Variants in L2HGDH observed in about 807,000 individuals in gnomAD.
L2HGDH encodes L-2-hydroxyglutarate dehydrogenase, mitochondrial.
L2HGDH carries 34 observed loss-of-function variants against 51.5 expected under a neutral mutation model. The observed-to-expected ratio is 0.66, with a 90% CI of 0.50 to 0.88. The LOEUF (loss-of-function observed/expected upper bound fraction) is 0.88, where lower values mean the gene tolerates loss of function less well. Among genes scored for constraint, L2HGDH ranks in the 40% least tolerant of loss-of-function variants. The probability of loss-of-function intolerance (pLI) is 0.00; values close to 1 mark genes in which losing one functional copy is unlikely to be tolerated. For missense variants in L2HGDH, 558 were observed against 571.9 expected (o/e 0.98, Z 0.25); for synonymous variants, 198 against 197.9 (o/e 1.00, Z -0.01).
chr14:50,269,289 T>C lies in L2HGDH; in HGVS notation c.780A>G (p.Gly260=). The change falls in exon 7 of 10, where the codon GGA becomes GGG. Residue 260 remains glycine, a synonymous_variant. Coordinates refer to ENST00000267436, the MANE Select transcript of L2HGDH (RefSeq NM_024884.3). ...ACTCTGAAATACGGTCTGAGTAAAG[T>C]CCTGCACATGTCACAACATACTGAC... ...IRCQYVVTCA[G]LYSDRISELS... is the part of the protein sequence containing the mutation. The C allele has an allele frequency of 6.2e-7, 1 of 1,614,056 alleles. No homozygotes were observed. Among genetic ancestry groups the C allele is most frequent in the Non-Finnish European group, 8.5e-7 (1 of 1,179,980 alleles).
chr14:50,306,298 C>T (rs561420195), intron 1 of L2HGDH, among the ~76,000 whole-genome samples: 1 of 152,302 alleles, frequency 6.6e-6, no homozygotes, highest in South Asian at 2.1e-4. Context: ...ATCCGCCCAC[C>T]TCAGCCTCCC....
At chr14:50,263,192 T>C (rs977850526) in intron 9 of L2HGDH, among the ~76,000 whole-genome samples, 13 of 152,236 alleles carry the variant, frequency 8.5e-5, no homozygotes, top group Non-Finnish European at 1.8e-4. Flanking sequence ...GGAATATCAA[T>C]AGCAGTAATA....
intron 9 of L2HGDH, among the ~76,000 whole-genome samples, chr14:50,264,291 T>C (rs897267941): frequency 3.9e-5 from 6 of 151,976 alleles, no homozygotes; most frequent in Non-Finnish European, 1.5e-5. Context: ...GGCAGGGGAA[T>C]TGCTTGAACC....
At chr14:50,267,145 T>TTTTATTTATTTA (rs149075578) in intron 8 of L2HGDH, among the ~76,000 whole-genome samples, 16 of 143,452 alleles carry the variant, frequency 1.1e-4, no homozygotes, top group East Asian at 6.0e-4. Context: ...TTCTTTTTAT[T>TTTTATTTATTTA]TTTATTTATT....
intron 2 of L2HGDH, among the ~76,000 whole-genome samples, chr14:50,302,420 G>C (rs1401515254): frequency 6.6e-6 from 1 of 152,084 alleles, no homozygotes; most frequent in Non-Finnish European, 1.5e-5. Context: ...CACTTCAGGG[G>C]CCCCCTAGGG....
At chr14:50,287,090 A>G (rs1195940939) in intron 4 of L2HGDH, 1 of 726,324 alleles carries the variant, frequency 1.4e-6, no homozygotes, top group Non-Finnish European at 1.7e-6. Flanking sequence ...CTGGGAAAGT[A>G]AAGTTTCTTC....
At chr14:50,255,744 T>A (rs1027621391) in intron 9 of L2HGDH, among the ~76,000 whole-genome samples, 1 of 151,892 alleles carries the variant, frequency 6.6e-6, no homozygotes, top group Non-Finnish European at 1.5e-5. Flanking sequence ...TTTTTATTTT[T>A]AAATATATCC....
chr14:50,303,445 G>A (rs1326391214), intron 1 of L2HGDH, among the ~76,000 whole-genome samples: 1 of 137,804 alleles, frequency 7.3e-6, no homozygotes, highest in African/African-American at 2.8e-5. Context: ...TGTGCTGTTT[G>A]GTTTCACATG....
chr14:50,299,303 A>G (rs2030266487), intron 3 of L2HGDH, among the ~76,000 whole-genome samples: 1 of 152,204 alleles, frequency 6.6e-6, no homozygotes, highest in Admixed American at 6.5e-5. Context: ...ACAAACCAAT[A>G]AAAGGCAATA....
intron 9 of L2HGDH, among the ~76,000 whole-genome samples, chr14:50,258,678 TA>T (rs1595072811): frequency 6.6e-6 from 1 of 151,858 alleles, no homozygotes; most frequent in East Asian, 1.9e-4. Context: ...CACACCCAGC[TA>T]GTTTTTAAAT....
chr14:50,282,613 A>C, intron 5 of L2HGDH: 1 of 423,952 alleles, frequency 2.4e-6, no homozygotes, highest in South Asian at 1.7e-5. Flanking sequence ...TACTTGTACA[A>C]CCATGGCCAA....
At position 50,242,458 on chromosome 14, in the gene L2HGDH, A is replaced by C; in HGVS notation, c.*4600T>G. 1 of 982,788 alleles carries C rather than the reference A, an allele frequency of 1.0e-6. No homozygotes were observed. The highest frequency in any genetic ancestry group is 1.2e-6 in the Non-Finnish European group (1 of 827,502). 60.9% of individuals were successfully genotyped at this position (982,788 alleles called of 1,614,324 possible). The stretch of plus-strand genomic sequence containing the variant: ...CTTAAAATAAGATAACTTTAATGTG[A>C]GATCCTTCCCATAAGCAGAAAATAC... On this transcript the variant is annotated 3_prime_UTR_variant, in exon 10 of 10. Transcript: ENST00000267436.
intron 3 of L2HGDH, among the ~76,000 whole-genome samples, chr14:50,297,380 A>G (rs2030120820): frequency 6.6e-6 from 1 of 151,130 alleles, no homozygotes; most frequent in African/African-American, 2.5e-5. Flanking sequence ...AGACACACAC[A>G]CACACATACA....
At chr14:50,247,398 G>T in intron 9 of L2HGDH, 145 bp from the exon 10 acceptor site, 1 of 1,331,228 alleles carries the variant, frequency 7.5e-7, no homozygotes, top group Non-Finnish European at 1.0e-6. Context: ...TTTAACCAAA[G>T]GCTGTCAGTT....
Position 50,287,886 on chromosome 14 carries a change from C to T in L2HGDH, c.541-3853G>A, listed in dbSNP as rs186164246. On this transcript the variant is annotated intron_variant, in intron 4 of 9. Coordinates refer to ENST00000267436, the MANE Select transcript of L2HGDH (RefSeq NM_024884.3). Reference sequence around the variant, plus strand: ...CTATTTTTTGTATTTTTAGTAGAGACGGGGTTTAACCGTGTTTGCCAGGCT... The same window carrying T: ...CTATTTTTTGTATTTTTAGTAGAGATGGGGTTTAACCGTGTTTGCCAGGCT... Among the ~76,000 whole-genome samples the T allele has an allele frequency of 2.3e-3, 346 of 151,692 alleles. 1 individual carries two copies. Among genetic ancestry groups the T allele is most frequent in the Non-Finnish European group, 3.1e-3 (210 of 67,854 alleles).
Position 50,245,409 on chromosome 14 carries a change from C to A in L2HGDH, c.*1649G>T, listed in dbSNP as rs2139917961. On this transcript the variant is annotated 3_prime_UTR_variant, in exon 10 of 10. Coordinates refer to ENST00000267436, the MANE Select transcript of L2HGDH (RefSeq NM_024884.3). ...AAGAACAGGACAACCACTCAGTGTA[C>A]CACTGTTTAGATTTCATGATGATAC... 1 of 985,254 alleles carries A rather than the reference C, an allele frequency of 1.0e-6. No homozygotes were observed. Among genetic ancestry groups the A allele is most frequent in the Non-Finnish European group, 1.2e-6 (1 of 829,830 alleles). The allele number at this position is 985,254 out of a possible 1,614,324, so 61.0% of individuals were successfully genotyped here.
intron 1 of L2HGDH, among the ~76,000 whole-genome samples, chr14:50,307,214 G>T (rs1566542953): frequency 6.6e-6 from 1 of 152,190 alleles, no homozygotes; most frequent in Non-Finnish European, 1.5e-5. Flanking sequence ...CCAAGATATT[G>T]TCTTTGCAGA....
At position 50,312,162 on chromosome 14, in the gene L2HGDH, G is replaced by C. The variant is rs2031269822; in HGVS notation, c.-12C>G. ...AGCGCTGGCACCATCCCCTACGCAC[G>C]CTCCCCTCCCTCAGCGCTCAGAAGA... On this transcript the variant is annotated 5_prime_UTR_variant, in exon 1 of 10. Coordinates refer to ENST00000267436, the MANE Select transcript of L2HGDH (RefSeq NM_024884.3). The C allele has an allele frequency of 1.2e-6, 2 of 1,608,900 alleles. No homozygotes were observed. The highest frequency in any genetic ancestry group is 1.7e-6 in the Non-Finnish European group (2 of 1,179,128).
intron 9 of L2HGDH, among the ~76,000 whole-genome samples, chr14:50,257,529 C>G (rs1012518210): frequency 6.6e-6 from 1 of 152,022 alleles, no homozygotes; most frequent in Admixed American, 6.6e-5. Flanking sequence ...ACCACCATAC[C>G]TGGTTAATTT....
Sources: gnomAD v4.1 joint callset for allele counts (sites outside exome capture counted in the v4.1 genomes callset) on GRCh38, gnomAD v4.1.1 for gene constraint, MANE v1.5 for transcripts, NCBI Gene and HGNC (gene_info 2026-07-23, HGNC 2026-07-21) for gene names.